The following HNRNPUL2 variants were observed in gnomAD, a reference collection of about 807,000 sequenced individuals.
HNRNPUL2 encodes the protein heterogeneous nuclear ribonucleoprotein U-like protein 2.
HNRNPUL2 carries 27 observed loss-of-function variants against 102.2 expected under a neutral mutation model. That is an observed-to-expected ratio of 0.26 (90% CI 0.19 to 0.36). The LOEUF (loss-of-function observed/expected upper bound fraction) is 0.36, where lower values mean the gene tolerates loss of function less well. Ranked by LOEUF, HNRNPUL2 falls within the 10% of genes least tolerant of loss-of-function variation. HNRNPUL2 has a pLI of 1.00. For synonymous variants in HNRNPUL2, 458 were observed against 387.2 expected, an observed-to-expected ratio of 1.18 and a Z score of -2.15; for missense variants, 936 against 981.1, an observed-to-expected ratio of 0.95 and a Z score of 0.61.
In HNRNPUL2 at chr11:62,713,477, G is replaced by A. The variant is rs1246351557; in HGVS notation, c.*1822C>T. 6.6e-6 allele frequency: 1 copy of A among 152,192 alleles called. No individual in the cohort carries two copies. Among genetic ancestry groups the A allele is most frequent in the East Asian group, 1.9e-4 (1 of 5,198 alleles). The allele number at this position is 152,192 out of a possible 1,614,324, so 9.4% of individuals were successfully genotyped here. ...TCCACTGCCACACAGAAATCCATTT[G>A]AGGACACCGCAGGGAAGCAGGTGCC... On this transcript the variant is annotated 3_prime_UTR_variant, in exon 14 of 14. Coordinates refer to ENST00000301785, the MANE Select transcript of HNRNPUL2 (RefSeq NM_001079559.3).
chr11:62,720,826 T>C (rs1353375952), intron 9 of HNRNPUL2, among the ~76,000 whole-genome samples: 1 of 126,688 alleles, frequency 7.9e-6, no homozygotes. Context: ...ATAGCGCCAC[T>C]GCACTCCAGC....
chr11:62,721,670 AAATC>A (rs2083704108), intron 8 of HNRNPUL2, 146 bp downstream of exon 8: 2 of 1,045,132 alleles, frequency 1.9e-6, no homozygotes, highest in Non-Finnish European at 2.8e-6. Flanking sequence ...AAGAAAAAAA[AAATC>A]AATCCACCTA....
intron 1 of HNRNPUL2, among the ~76,000 whole-genome samples, chr11:62,725,249 G>C (rs987453234): frequency 6.6e-6 from 1 of 152,184 alleles, no homozygotes; most frequent in Admixed American, 6.5e-5. Context: ...CCAGGCTGGA[G>C]TGTAGTGGCG....
At position 62,726,860 on chromosome 11, in the gene HNRNPUL2, A is replaced by G. The variant is rs1284655325; in HGVS notation, c.297T>C (p.Pro99=). The G allele has an allele frequency of 1.5e-5, 24 of 1,584,516 alleles. No homozygotes were observed. The highest frequency in any genetic ancestry group is 2.0e-5 in the Non-Finnish European group (23 of 1,173,678). Reference sequence around the variant, plus strand: ...GCGCGGCCTGACCCAAGGCTTGAGCAGGGGGTGGCTCCTCGTCCTCGTCCT... The same window carrying G: ...GCGCGGCCTGACCCAAGGCTTGAGCGGGGGGTGGCTCCTCGTCCTCGTCCT... ...LLEDEDEEPP[P]AQALGQAAQP... is the part of the protein sequence containing the mutation. Residue 99 remains proline, a synonymous_variant, in exon 1 of 14, where the codon CCT becomes CCC. Coordinates refer to ENST00000301785, the MANE Select transcript of HNRNPUL2 (RefSeq NM_001079559.3).
chr11:62,727,250 C>G lies in HNRNPUL2; in HGVS notation c.-94G>C, dbSNP rs535316033. ...CAGGCGCCGCCGCCGCCGCCCGCCT[C>G]CGCCTCACGCGCCAGCACTGAGCCC... On this transcript the variant is annotated 5_prime_UTR_variant, in exon 1 of 14. Transcript: ENST00000301785. 1.2e-3 allele frequency: 1,516 copies of G among 1,298,630 alleles called. 16 individuals carry two copies. In the African/African-American group the frequency reaches 0.022, roughly 19 times the overall value. The allele number at this position is 1,298,630 out of a possible 1,614,324, so 80.4% of individuals were successfully genotyped here. A position where few individuals can be genotyped will look rare whatever the true frequency, so the allele number is the denominator to read the frequency against.
At chr11:62,726,586 G>C in intron 1 of HNRNPUL2, 33 bp downstream of exon 1, 1 of 1,499,492 alleles carries the variant, frequency 6.7e-7, no homozygotes, top group Non-Finnish European at 8.9e-7. Context: ...GCAGCCGGCA[G>C]GTTGGAGCCG....
At position 62,712,996 on chromosome 11, in the gene HNRNPUL2, A is replaced by G. The variant is rs1384265838; in HGVS notation, c.*2303T>C. The G allele has an allele frequency of 6.6e-6, 1 of 152,266 alleles. No individual in the cohort carries two copies. Among genetic ancestry groups the G allele is most frequent in the Non-Finnish European group, 1.5e-5 (1 of 68,046 alleles). 9.4% of individuals were successfully genotyped at this position (152,266 alleles called of 1,614,324 possible). ...ATAGTTTTTCATAATAAAAAGACAGAAACAAAACCCGGACATCTACTGTTG... is the reference window on the plus strand; with the variant it reads ...ATAGTTTTTCATAATAAAAAGACAGGAACAAAACCCGGACATCTACTGTTG... On this transcript the variant is annotated 3_prime_UTR_variant, in exon 14 of 14. Coordinates refer to ENST00000301785, the MANE Select transcript of HNRNPUL2 (RefSeq NM_001079559.3).
At position 62,727,227 on chromosome 11, in the gene HNRNPUL2, G is replaced by C; in HGVS notation, c.-71C>G. 1 of 1,305,972 alleles carries C rather than the reference G, an allele frequency of 7.7e-7. No individual in the cohort carries two copies. Among genetic ancestry groups the C allele is most frequent in the Non-Finnish European group, 9.7e-7 (1 of 1,030,606 alleles). The allele number at this position is 1,305,972 out of a possible 1,614,324, so 80.9% of individuals were successfully genotyped here. A position where few individuals can be genotyped will look rare whatever the true frequency, so the allele number is the denominator to read the frequency against. Reference sequence around the variant, plus strand: ...ACCGTCGACCGAGTCCGACCGCGCAGGCGCCGCCGCCGCCGCCCGCCTCCG... The same window carrying C: ...ACCGTCGACCGAGTCCGACCGCGCACGCGCCGCCGCCGCCGCCCGCCTCCG... On this transcript the variant is annotated 5_prime_UTR_variant, in exon 1 of 14. Transcript: ENST00000301785.
At chr11:62,722,972 A>T in intron 4 of HNRNPUL2, 69 bp from the exon 5 acceptor site, 4 of 1,195,300 alleles carry the variant, frequency 3.3e-6, no homozygotes, top group Non-Finnish European at 4.9e-6. Flanking sequence ...AGTTCGAAGG[A>T]CAAGATTTTT....
chr11:62,717,648 G>C (rs1242132876), intron 10 of HNRNPUL2, among the ~76,000 whole-genome samples: 2 of 152,210 alleles, frequency 1.3e-5, no homozygotes, highest in African/African-American at 4.8e-5. Context: ...TTGAGGTCAG[G>C]AGTTCGAGAC....
In HNRNPUL2 at chr11:62,713,685, A is replaced by C. The variant is rs1460525832; in HGVS notation, c.*1614T>G. On this transcript the variant is annotated 3_prime_UTR_variant, in exon 14 of 14. Transcript: ENST00000301785. ...CAGTAACAGTGGGAGGAGGAGAGGA[A>C]GACCAAATCAGCCCACAATTTTAAA... The C allele has an allele frequency of 1.3e-5, 2 of 152,312 alleles. No individual in the cohort carries two copies. The highest frequency in any genetic ancestry group is 2.9e-5 in the Non-Finnish European group (2 of 68,112). The allele number at this position is 152,312 out of a possible 1,614,324, so 9.4% of individuals were successfully genotyped here.
chr11:62,724,997 T>C (rs1192395884), intron 1 of HNRNPUL2, among the ~76,000 whole-genome samples: 3 of 152,142 alleles, frequency 2.0e-5, no homozygotes, highest in Non-Finnish European at 4.4e-5. Flanking sequence ...CTACTGAAAG[T>C]TGCAAGAGCA....
At chr11:62,719,167 C>T (rs117147222) in intron 10 of HNRNPUL2, among the ~76,000 whole-genome samples, 1,999 of 152,226 alleles carry the variant, frequency 0.013, 21 homozygotes, top group Non-Finnish European at 0.018. Flanking sequence ...CGAGCCAAGG[C>T]GGCTAGGCAC....
In HNRNPUL2 at chr11:62,715,392, G is replaced by T. The variant is rs1565159071; in HGVS notation, c.2164-13C>A. 1 of 1,611,594 alleles carries T rather than the reference G, an allele frequency of 6.2e-7. No homozygotes were observed. The highest frequency in any genetic ancestry group is 1.1e-5 in the South Asian group (1 of 91,018). On this transcript the variant is annotated splice_polypyrimidine_tract_variant and intron_variant, in intron 13 of 13. Coordinates refer to ENST00000301785, the MANE Select transcript of HNRNPUL2 (RefSeq NM_001079559.3). ...AGTAACTCTGCCACTAGAAGAGAGGGAAACCCCATCACTTGGAGCCAGAGC... is the reference window on the plus strand; with the variant it reads ...AGTAACTCTGCCACTAGAAGAGAGGTAAACCCCATCACTTGGAGCCAGAGC...
intron 4 of HNRNPUL2, 23 bp downstream of exon 4, chr11:62,723,564 A>C: frequency 6.3e-7 from 1 of 1,576,126 alleles, no homozygotes; most frequent in Non-Finnish European, 8.6e-7. Context: ...TGAATGAATG[A>C]ATGAATGGTC....
intron 10 of HNRNPUL2, among the ~76,000 whole-genome samples, chr11:62,719,313 T>C (rs925682046): frequency 2.0e-5 from 3 of 152,128 alleles, no homozygotes; most frequent in Non-Finnish European, 4.4e-5. Context: ...TAGCTAGGCA[T>C]GGTGGCACAT....
chr11:62,722,458 TCA>T (rs1376790558), intron 6 of HNRNPUL2, 78 bp from the exon 7 acceptor site: 6 of 1,525,850 alleles, frequency 3.9e-6, no homozygotes, highest in Non-Finnish European at 4.5e-6. Flanking sequence ...TATTCTTTTT[TCA>T]CACAGACTGC....
chr11:62,725,972 A>C (rs1323624127), intron 1 of HNRNPUL2, among the ~76,000 whole-genome samples: 1 of 152,206 alleles, frequency 6.6e-6, no homozygotes, highest in African/African-American at 2.4e-5. Context: ...ATTTAATCAT[A>C]ATCCAAGCAA....
rs2083654491 is a variant in HNRNPUL2 at position 62,715,612 on chromosome 11, G to A, written c.2056-5C>T. On this transcript the variant is annotated splice_polypyrimidine_tract_variant and splice_region_variant and intron_variant, in intron 12 of 13. Transcript: ENST00000301785. Reference sequence around the variant, plus strand: ...ATCATAGAAATTACGGTAACCCTGAGAAAGGAAAAGAAAAAGGAGTGAAGG... The same window carrying A: ...ATCATAGAAATTACGGTAACCCTGAAAAAGGAAAAGAAAAAGGAGTGAAGG... The A allele has an allele frequency of 1.9e-6, 3 of 1,603,646 alleles. No individual in the cohort carries two copies. The highest frequency in any genetic ancestry group is 1.1e-5 in the South Asian group (1 of 90,844).
Sources: allele counts gnomAD v4.1 joint callset (sites outside exome capture counted in the v4.1 genomes callset), GRCh38; gene constraint gnomAD v4.1.1; transcripts MANE v1.5; gene names NCBI Gene and HGNC (gene_info 2026-07-23, HGNC 2026-07-21).